Variants in NOL4 observed in about 807,000 individuals in gnomAD.
NOL4 encodes the protein cancer/testis antigen 125.
Under a neutral mutation model 75.9 loss-of-function variants are expected in NOL4, and 17 were observed. The ratio of observed to expected loss-of-function variants is 0.22; its 90% CI spans 0.15 to 0.34. The LOEUF is 0.34. Among genes scored for constraint, NOL4 ranks in the 10% least tolerant of loss-of-function variants. NOL4 has a pLI of 1.00. For synonymous variants in NOL4, 292 were observed against 289.9 expected (o/e 1.01, Z -0.07); for missense variants, 614 against 793.5 (o/e 0.77, Z 2.72).
intron 6 of NOL4, among the ~76,000 whole-genome samples, chr18:33,962,899 A>G (rs1449643727): frequency 6.6e-6 from 1 of 152,216 alleles, no homozygotes; most frequent in Admixed American, 6.5e-5. Context: ...TGTTTACTCA[A>G]GTTTTAAAGA....
Position 34,024,566 on chromosome 18 carries a change from AAAC to A in NOL4, c.773-4968_773-4966del, listed in dbSNP as rs1028575757. The stretch of plus-strand genomic sequence containing the variant: ...TCTTTTCCCAGGCTCAAAACAAAAC[AAAC>A]AACAACAACAACAACAAAGGAAGCT... On this transcript the variant is annotated intron_variant, in intron 5 of 10. Coordinates refer to ENST00000261592, the MANE Select transcript of NOL4 (RefSeq NM_003787.5). Among the ~76,000 whole-genome samples, 28 of 151,930 alleles carry A rather than the reference AAAC, an allele frequency of 1.8e-4. No homozygotes were observed. The East Asian group carries it at 3.5e-3, about 19-fold the overall frequency.
intron 8 of NOL4, among the ~76,000 whole-genome samples, chr18:33,956,130 A>G (rs551600441): frequency 6.6e-6 from 1 of 152,232 alleles, no homozygotes; most frequent in Non-Finnish European, 1.5e-5. Context: ...TTCTATTACT[A>G]TGAATTTAAG....
At chr18:34,161,493 G>A (rs1020690217) in intron 1 of NOL4, among the ~76,000 whole-genome samples, 2 of 152,106 alleles carry the variant, frequency 1.3e-5, no homozygotes, top group East Asian at 1.9e-4. Context: ...TCTTCTCCAC[G>A]ACCTCTCCAG....
chr18:33,940,211 CA>C (rs1376989418), intron 9 of NOL4, among the ~76,000 whole-genome samples: 2 of 151,942 alleles, frequency 1.3e-5, no homozygotes, highest in African/African-American at 4.8e-5. Context: ...GGTATATACC[CA>C]AAGGATTATA....
At chr18:34,137,806 A>ACACACG (rs1452666829) in intron 1 of NOL4, among the ~76,000 whole-genome samples, 5 of 151,818 alleles carry the variant, frequency 3.3e-5, no homozygotes, top group South Asian at 2.1e-4. Flanking sequence ...ACACACACAC[A>ACACACG]CACGCACGCA....
At chr18:33,879,467 T>A (rs2064126175) in intron 10 of NOL4, among the ~76,000 whole-genome samples, 1 of 151,308 alleles carries the variant, frequency 6.6e-6, no homozygotes, top group Non-Finnish European at 1.5e-5. Flanking sequence ...AGATCAGGAG[T>A]TCAAGACCAG....
At chr18:33,954,218 G>C (rs967529641) in intron 8 of NOL4, among the ~76,000 whole-genome samples, 1 of 152,206 alleles carries the variant, frequency 6.6e-6, no homozygotes, top group Non-Finnish European at 1.5e-5. Flanking sequence ...CTGTTATACT[G>C]TGTTGTCTAG....
chr18:34,126,923 A>C (rs1568372312), intron 2 of NOL4, among the ~76,000 whole-genome samples: 2 of 152,000 alleles, frequency 1.3e-5, no homozygotes, highest in Non-Finnish European at 2.9e-5. Context: ...CCAAGAGTAG[A>C]CTACAGACAA....
intron 1 of NOL4, among the ~76,000 whole-genome samples, chr18:34,212,057 TATGAGA>T (rs1429757544): frequency 6.6e-6 from 1 of 152,170 alleles, no homozygotes; most frequent in African/African-American, 2.4e-5. Flanking sequence ...TAATTATAAT[TATGAGA>T]ATAACAATTT....
chr18:33,973,848 T>C (rs1443531797), intron 6 of NOL4, among the ~76,000 whole-genome samples: 2 of 152,182 alleles, frequency 1.3e-5, no homozygotes, highest in Non-Finnish European at 2.9e-5. Context: ...GTTCCATTTA[T>C]AGAGCACAGG....
intron 1 of NOL4, among the ~76,000 whole-genome samples, chr18:34,143,079 G>A (rs2081250986): frequency 6.6e-6 from 1 of 151,796 alleles, no homozygotes; most frequent in East Asian, 1.9e-4. Context: ...GGGAAGGGAG[G>A]GGAGGGAAGG....
In NOL4 at chr18:33,977,319, C is replaced by T. The variant is rs188810515; in HGVS notation, c.1057-18901G>A. Among the ~76,000 whole-genome samples, 8 of 152,156 alleles carry T rather than the reference C, an allele frequency of 5.3e-5. 1 individual carries two copies. The highest frequency in any genetic ancestry group is 4.1e-4 in the South Asian group (2 of 4,830). ...TGAATTGTAGCAACCATAATCCCCA[C>T]GTGTCATGGAGGGACCCAATGGGAG... On this transcript the variant is annotated intron_variant, in intron 6 of 10. Coordinates refer to ENST00000261592, the MANE Select transcript of NOL4 (RefSeq NM_003787.5).
intron 6 of NOL4, among the ~76,000 whole-genome samples, chr18:33,993,967 T>C (rs1159886429): frequency 6.6e-6 from 1 of 151,696 alleles, no homozygotes; most frequent in African/African-American, 2.4e-5. Context: ...AAAAGATATA[T>C]AATGAATATA....
chr18:34,111,831 G>A (rs1000439344), intron 2 of NOL4, among the ~76,000 whole-genome samples: 4 of 152,026 alleles, frequency 2.6e-5, no homozygotes, highest in Non-Finnish European at 4.4e-5. Flanking sequence ...AAAAGTCAAA[G>A]ACAAAAAGTA....
At chr18:34,202,460 C>T (rs542647972) in intron 1 of NOL4, among the ~76,000 whole-genome samples, 2 of 151,934 alleles carry the variant, frequency 1.3e-5, no homozygotes, top group East Asian at 3.9e-4. Context: ...ATATTCATTT[C>T]TACAGCTTCT....
At chr18:33,950,502 T>C (rs2069142738) in intron 8 of NOL4, among the ~76,000 whole-genome samples, 1 of 152,140 alleles carries the variant, frequency 6.6e-6, no homozygotes, top group Non-Finnish European at 1.5e-5. Context: ...TTAATTCAGT[T>C]GAATTCAACA....
At chr18:33,911,191 TC>T (rs2066380680) in intron 9 of NOL4, among the ~76,000 whole-genome samples, 1 of 151,284 alleles carries the variant, frequency 6.6e-6, no homozygotes, top group Non-Finnish European at 1.5e-5. Flanking sequence ...TTTCATGTGT[TC>T]CAGAACTTTC....
At chr18:34,132,885 G>A (rs2080719657) in intron 1 of NOL4, among the ~76,000 whole-genome samples, 1 of 152,052 alleles carries the variant, frequency 6.6e-6, no homozygotes, top group African/African-American at 2.4e-5. Flanking sequence ...AACAAAGGAG[G>A]TCAGAATGCA....
At chr18:34,069,259 T>C (rs940281627) in intron 5 of NOL4, among the ~76,000 whole-genome samples, 3 of 152,174 alleles carry the variant, frequency 2.0e-5, no homozygotes, top group Non-Finnish European at 1.5e-5. Context: ...TTAAAATTCA[T>C]TGGATCCCTT....
Sources: allele counts gnomAD v4.1 joint callset (sites outside exome capture counted in the v4.1 genomes callset), GRCh38; gene constraint gnomAD v4.1.1; transcripts MANE v1.5; gene names NCBI Gene and HGNC (gene_info 2026-07-23, HGNC 2026-07-21).